Variants in LTF observed in about 807,000 individuals in gnomAD.
LTF encodes epididymis luminal protein 110.
In LTF, 91 loss-of-function variants were observed where a neutral mutation model predicts 87.2. That is an observed-to-expected ratio of 1.04 (90% CI 0.88 to 1.24). The LOEUF (loss-of-function observed/expected upper bound fraction) is 1.24, where lower values mean the gene tolerates loss of function less well. Among genes scored for constraint, LTF ranks in the 50% most tolerant of loss-of-function variants. The pLI, the probability that LTF is intolerant of heterozygous loss-of-function variation, is 0.00. For missense variants in LTF, 901 were observed against 904.3 expected (o/e 1.00, Z 0.05); for synonymous variants, 378 against 356.1 (o/e 1.06, Z -0.69).
intron 13 of LTF, among the ~76,000 whole-genome samples, chr3:46,442,247 C>A (rs1030956064): frequency 6.6e-6 from 1 of 151,766 alleles, no homozygotes; most frequent in Non-Finnish European, 1.5e-5. Context: ...GTGCTGGGGG[C>A]AGTGTGAGAG....
intron 1 of LTF, among the ~76,000 whole-genome samples, chr3:46,481,016 C>T (rs540164243): frequency 5.3e-5 from 8 of 152,266 alleles, no homozygotes; most frequent in Admixed American, 3.3e-4. Context: ...ATAGGCAGCA[C>T]GGCCCAGCCA....
At chr3:46,481,054 T>C (rs1248091866) in intron 1 of LTF, among the ~76,000 whole-genome samples, 1 of 152,196 alleles carries the variant, frequency 6.6e-6, no homozygotes, top group Non-Finnish European at 1.5e-5. Flanking sequence ...ACTCACAGGC[T>C]GTCCCTGCCC....
intron 15 of LTF, 109 bp downstream of exon 15, chr3:46,439,186 AG>A: frequency 9.7e-7 from 1 of 1,030,284 alleles, no homozygotes; most frequent in Non-Finnish European, 1.4e-6. Flanking sequence ...ATGAGCTTCA[AG>A]TAGAGGACTA....
rs372431815 is a variant in LTF, at chr3:46,481,228, C to T, written c.-320+3758G>A. 1.2e-4 allele frequency among the ~76,000 whole-genome samples: 18 copies of T among 152,326 alleles called. 1 individual carries two copies. In the South Asian group the frequency reaches 3.7e-3, roughly 32 times the overall value. On this transcript the variant is annotated intron_variant, in intron 1 of 19. Coordinates refer to the LTF transcript ENST00000443496. The stretch of plus-strand genomic sequence containing the variant: ...CAAGTGGTCCTGTAGAAGTTAGCAA[C>T]TGCTTATGGAATCCTTTCCTAGGAC...
intron 1 of LTF, among the ~76,000 whole-genome samples, chr3:46,463,262 G>A (rs942890403): frequency 2.0e-5 from 3 of 152,296 alleles, no homozygotes; most frequent in South Asian, 2.1e-4. Context: ...GGCCTCCAAG[G>A]CAGGGGCCAG....
Position 46,439,322 on chromosome 3 carries a change from G to A in LTF, c.1882C>T (p.Leu628=). Residue 628 remains leucine (L), a synonymous_variant, in exon 15 of 17, where the codon CTG becomes TTG. Coordinates refer to ENST00000231751, the MANE Select transcript of LTF (RefSeq NM_002343.6). ...VVSRMDKVER[L]KQVLLHQQAK... ...TGTTGGTGGAGCAACACCTGTTTCAGGCGTTCCACCTTATCCATCCGAGAC... is the reference window on the plus strand; with the variant it reads ...TGTTGGTGGAGCAACACCTGTTTCAAGCGTTCCACCTTATCCATCCGAGAC... The A allele has an allele frequency of 6.2e-7, 1 of 1,613,554 alleles. No individual in the cohort carries two copies. Among genetic ancestry groups the A allele is most frequent in the Non-Finnish European group, 8.5e-7 (1 of 1,179,704 alleles).
chr3:46,450,202 T>C (rs1389543918), intron 7 of LTF, among the ~76,000 whole-genome samples, 174 bp from the exon 8 acceptor site: 4 of 152,128 alleles, frequency 2.6e-5, no homozygotes, highest in Admixed American at 2.6e-4. Context: ...AGCTCAGCTA[T>C]GGCTCATTCT....
chr3:46,446,843 C>T (rs1467314079), intron 10 of LTF, among the ~76,000 whole-genome samples: 2 of 152,308 alleles, frequency 1.3e-5, no homozygotes, highest in East Asian at 1.9e-4. Flanking sequence ...AAAACACATG[C>T]TGTGTAATTC....
In LTF at chr3:46,450,478, ACCGTGGGTGAAGATACCTGTG is replaced by A; in HGVS notation, c.878_882+16del. The A allele has an allele frequency of 1.3e-6, 2 of 1,596,064 alleles. No homozygotes were observed. Among genetic ancestry groups the A allele is most frequent in the Non-Finnish European group, 1.7e-6 (2 of 1,170,388 alleles). On this transcript the variant is annotated splice_donor_variant and splice_donor_5th_base_variant and coding_sequence_variant and intron_variant, in exon 7 of 17. Transcript: ENST00000231751. LOFTEE classifies it high-confidence loss of function. Reference sequence around the variant, plus strand: ...CCCCATATCCAAGCAAGTGGGGAGGACCGTGGGTGAAGATACCTGTGCCTGGCGGAGAAGATTCCAGATGGC... The same window carrying A: ...CCCCATATCCAAGCAAGTGGGGAGGACCTGGCGGAGAAGATTCCAGATGGC...
intron 15 of LTF, 82 bp from the exon 16 acceptor site, chr3:46,438,211 C>A: frequency 1.7e-6 from 2 of 1,154,506 alleles, no homozygotes; most frequent in Admixed American, 2.0e-5. Flanking sequence ...ATTTCTTCCA[C>A]CCAAGAACAG....
chr3:46,453,476 G>A (rs1312436271), intron 6 of LTF, among the ~76,000 whole-genome samples: 1 of 151,792 alleles, frequency 6.6e-6, no homozygotes, highest in African/African-American at 2.4e-5. Context: ...TGCGGGGTCT[G>A]TCTCTGATGG....
At chr3:46,439,534 G>A in intron 14 of LTF, 54 bp from the exon 15 acceptor site, 1 of 1,513,788 alleles carries the variant, frequency 6.6e-7, no homozygotes, top group South Asian at 1.3e-5. Flanking sequence ...TAGCCAAGAA[G>A]TCTCTTCTGG....
chr3:46,437,375 C>T (rs71327064), intron 16 of LTF, among the ~76,000 whole-genome samples: 41,786 of 145,576 alleles, frequency 0.29, 6,731 homozygotes, highest in African/African-American at 0.44. Flanking sequence ...GGCTGTAGTG[C>T]AGTGGTACAA....
intron 1 of LTF, among the ~76,000 whole-genome samples, chr3:46,475,354 A>G (rs1007897421): frequency 6.6e-6 from 1 of 152,148 alleles, no homozygotes; most frequent in East Asian, 1.9e-4. Context: ...ATTATCACCA[A>G]TTCCACACAA....
intron 1 of LTF, among the ~76,000 whole-genome samples, chr3:46,479,021 G>A (rs1040850719): frequency 6.6e-6 from 1 of 152,164 alleles, no homozygotes; most frequent in African/African-American, 2.4e-5. Context: ...TAGGTACTGG[G>A]TCACCAAACT....
chr3:46,473,763 A>G (rs1156364116), intron 1 of LTF, among the ~76,000 whole-genome samples: 1 of 152,164 alleles, frequency 6.6e-6, no homozygotes, highest in Non-Finnish European at 1.5e-5. Flanking sequence ...GTGACCATCC[A>G]GAGAACGTCC....
intron 11 of LTF, among the ~76,000 whole-genome samples, 153 bp from the exon 12 acceptor site, chr3:46,445,589 G>A (rs571755334): frequency 3.3e-5 from 5 of 152,356 alleles, no homozygotes; most frequent in African/African-American, 4.8e-5. Context: ...TAGGTAGACC[G>A]AGAAAGCATA....
intron 2 of LTF, among the ~76,000 whole-genome samples, chr3:46,457,388 G>C (rs888604420): frequency 1.3e-5 from 2 of 152,202 alleles, no homozygotes; most frequent in Non-Finnish European, 2.9e-5. Flanking sequence ...TGTGAAGACT[G>C]TATTTTCATG....
intron 14 of LTF, among the ~76,000 whole-genome samples, chr3:46,440,074 G>A (rs768314122): frequency 5.9e-5 from 9 of 152,242 alleles, no homozygotes; most frequent in East Asian, 1.9e-4. Context: ...GGATACAAGC[G>A]TTCTAGAGTT....
Sources: gnomAD v4.1 joint callset for allele counts (sites outside exome capture counted in the v4.1 genomes callset) on GRCh38, gnomAD v4.1.1 for gene constraint, MANE v1.5 for transcripts, NCBI Gene and HGNC (gene_info 2026-07-23, HGNC 2026-07-21) for gene names.